Variants in MPDZ observed in about 807,000 individuals in gnomAD.
MPDZ encodes multiple PDZ domain protein.
In MPDZ, 234 loss-of-function variants were observed where a neutral mutation model predicts 239.1. The observed-to-expected ratio is 0.98, with a 90% CI of 0.88 to 1.09. MPDZ has a LOEUF of 1.09. Ranked by LOEUF, MPDZ falls within the 50% of genes least tolerant of loss-of-function variation. MPDZ has a pLI of 0.00. For synonymous variants in MPDZ, 1,048 were observed against 881.3 expected (o/e 1.19, Z -3.35); for missense variants, 3,175 against 2,510.0 (o/e 1.26, Z -5.66).
At chr9:13,159,191 C>A (rs1409315402) in intron 23 of MPDZ, among the ~76,000 whole-genome samples, 1 of 152,160 alleles carries the variant, frequency 6.6e-6, no homozygotes, top group Non-Finnish European at 1.5e-5. Flanking sequence ...TGCAACATTT[C>A]TGGCAAGCAA....
At chr9:13,237,951 T>A (rs553907911) in intron 3 of MPDZ, among the ~76,000 whole-genome samples, 1 of 152,168 alleles carries the variant, frequency 6.6e-6, no homozygotes, top group Non-Finnish European at 1.5e-5. Flanking sequence ...AAGAGCAAGA[T>A]AGACAAATAG....
intron 1 of MPDZ, among the ~76,000 whole-genome samples, chr9:13,277,820 C>T (rs1347576808): frequency 6.6e-6 from 1 of 152,214 alleles, no homozygotes; most frequent in Non-Finnish European, 1.5e-5. Context: ...CCACCTCGGT[C>T]TCCCAAAGTG....
At chr9:13,197,865 G>T (rs10960968) in intron 12 of MPDZ, among the ~76,000 whole-genome samples, 14,004 of 151,954 alleles carry the variant, frequency 0.092, 855 homozygotes, top group South Asian at 0.18. Context: ...TTCTGTGCTT[G>T]GTTTATTTCA....
intron 45 of MPDZ, 65 bp from the exon 46 acceptor site, chr9:13,109,124 G>T (rs1295522788): frequency 2.6e-6 from 3 of 1,152,680 alleles, no homozygotes; most frequent in African/African-American, 3.2e-5. Flanking sequence ...TATATGTTAT[G>T]AATTATCTGA....
intron 19 of MPDZ, among the ~76,000 whole-genome samples, chr9:13,177,559 TA>T (rs1952667243): frequency 6.6e-6 from 1 of 152,188 alleles, no homozygotes; most frequent in African/African-American, 2.4e-5. Context: ...TTTTTTGCAG[TA>T]TCTTTTCATC....
rs747285455 is a variant in MPDZ, at chr9:13,176,343, G to A, written c.2724C>T (p.Leu908=). The A allele has an allele frequency of 1.9e-6, 3 of 1,607,956 alleles. No homozygotes were observed. The highest frequency in any genetic ancestry group is 2.5e-6 in the Non-Finnish European group (3 of 1,176,808). The part of the protein sequence containing the change: ...MSLEELYTQN[L]LQRQDENTPS... ...GTGTATTCTCATCCTGTCTTTGCAGGAGATTCTGGGTATATAGTTCCTCCA... is the reference window on the plus strand; with the variant it reads ...GTGTATTCTCATCCTGTCTTTGCAGAAGATTCTGGGTATATAGTTCCTCCA... The change falls in exon 20 of 47, where the codon CTC becomes CTT. Residue 908 remains leucine (L), a synonymous_variant. Transcript: ENST00000319217.
chr9:13,219,864 T>C lies in MPDZ; in HGVS notation c.877-96A>G. 6.0e-6 allele frequency: 7 copies of C among 1,170,798 alleles called. 1 individual carries two copies. Among genetic ancestry groups the C allele is most frequent in the Non-Finnish European group, 8.6e-6 (7 of 814,668 alleles). The allele number at this position is 1,170,798 out of a possible 1,614,324, so 72.5% of individuals were successfully genotyped here. ...GGGATTAATTTTAGAAAAGCAATAA[T>C]ATGAGTTACCAATCAGGACATAAAA... On this transcript the variant is annotated intron_variant, in intron 7 of 46. Transcript: ENST00000319217.
chr9:13,216,997 A>G (rs1403516959), intron 9 of MPDZ, 135 bp from the exon 10 acceptor site: 1 of 809,052 alleles, frequency 1.2e-6, no homozygotes, highest in Middle Eastern at 3.3e-4. Flanking sequence ...CTAAAGAATA[A>G]GATAATTGTT....
intron 10 of MPDZ, among the ~76,000 whole-genome samples, chr9:13,213,618 A>G (rs1007252366): frequency 6.6e-6 from 1 of 152,090 alleles, no homozygotes; most frequent in Non-Finnish European, 1.5e-5. Flanking sequence ...TAAAATGCTT[A>G]TATCTTTGTA....
chr9:13,231,419 T>C (rs2136762578), intron 3 of MPDZ, among the ~76,000 whole-genome samples: 1 of 151,982 alleles, frequency 6.6e-6, no homozygotes, highest in South Asian at 2.1e-4. Context: ...TACAAAAAAT[T>C]AGCTGAGCAT....
intron 28 of MPDZ, 46 bp downstream of exon 28, chr9:13,139,938 CTAT>C: frequency 1.3e-6 from 2 of 1,599,826 alleles, no homozygotes; most frequent in Non-Finnish European, 1.7e-6. Flanking sequence ...AAACTCAGAG[CTAT>C]TTTAATACCT....
At chr9:13,165,292 C>A in intron 22 of MPDZ, 1 of 1,487,592 alleles carries the variant, frequency 6.7e-7, no homozygotes, top group Non-Finnish European at 9.1e-7. Context: ...TGGGACATTA[C>A]AAAAGCACAA....
chr9:13,244,880 G>A lies in MPDZ; in HGVS notation c.183+2755C>T, dbSNP rs954194302. ...CTCCAATATGCTGCATATACCTCAA[G>A]CTTTTCAATTATTCAGTCCCTTTAC... On this transcript the variant is annotated intron_variant, in intron 3 of 46. Transcript: ENST00000319217. 7.2e-5 allele frequency among the ~76,000 whole-genome samples: 11 copies of A among 152,062 alleles called. No homozygotes were observed. In the East Asian group the frequency reaches 1.9e-3, roughly 27 times the overall value.
intron 1 of MPDZ, among the ~76,000 whole-genome samples, chr9:13,267,392 G>C (rs969973829): frequency 2.6e-5 from 4 of 152,086 alleles, no homozygotes; most frequent in African/African-American, 7.2e-5. Context: ...TTTCAGACAA[G>C]AAAATTGAGG....
At chr9:13,178,893 C>T (rs776785347) in intron 19 of MPDZ, among the ~76,000 whole-genome samples, 1 of 152,136 alleles carries the variant, frequency 6.6e-6, no homozygotes, top group Non-Finnish European at 1.5e-5. Flanking sequence ...ATAAGTCCTT[C>T]CACACAAAGT....
intron 3 of MPDZ, among the ~76,000 whole-genome samples, chr9:13,236,759 T>C (rs569111444): frequency 6.6e-6 from 1 of 152,230 alleles, no homozygotes; most frequent in African/African-American, 2.4e-5. Flanking sequence ...AACATAGTTT[T>C]GTTTTAAAGT....
rs1444109820 is a variant in MPDZ at position 13,136,320 on chromosome 9, G to GTTTTT, written c.4293-139_4293-138insAAAAA. The GTTTTT allele has an allele frequency of 1.6e-3, 314 of 194,538 alleles. 18 individuals are homozygous for GTTTTT. The highest frequency in any genetic ancestry group is 9.7e-3 in the African/African-American group (146 of 15,128). 12.1% of individuals were successfully genotyped at this position (194,538 alleles called of 1,614,324 possible). On this transcript the variant is annotated intron_variant, in intron 30 of 46. Transcript: ENST00000319217. ...CTGTGACACTTACAAATTTACAAAC[G>GTTTTT]TTTTCTTTTTTTTTTTTTTTTTTTT...
chr9:13,136,031 G>T, intron 31 of MPDZ, 61 bp downstream of exon 31: 2 of 1,118,706 alleles, frequency 1.8e-6, no homozygotes, highest in South Asian at 1.4e-5. Context: ...ATTGTTGATT[G>T]AATTAATAAG....
chr9:13,214,845 T>C (rs1437158320), intron 10 of MPDZ, among the ~76,000 whole-genome samples: 1 of 151,882 alleles, frequency 6.6e-6, no homozygotes, highest in African/African-American at 2.4e-5. Flanking sequence ...CACAACTTGA[T>C]CTTTAGTGTA....
Sources: allele counts gnomAD v4.1 joint callset (sites outside exome capture counted in the v4.1 genomes callset), GRCh38; gene constraint gnomAD v4.1.1; transcripts MANE v1.5; gene names NCBI Gene and HGNC (gene_info 2026-07-23, HGNC 2026-07-21).